Variants in TMOD1 observed in about 807,000 individuals in gnomAD.
TMOD1 encodes tropomodulin 1.
TMOD1 carries 17 observed loss-of-function variants against 40.6 expected under a neutral mutation model. The observed-to-expected ratio is 0.42, with a 90% CI of 0.29 to 0.63. The LOEUF (loss-of-function observed/expected upper bound fraction) is 0.63, where lower values mean the gene tolerates loss of function less well. TMOD1 is among the 20% of genes least tolerant of loss of function. The probability of loss-of-function intolerance (pLI) is 0.22; values close to 1 mark genes in which losing one functional copy is unlikely to be tolerated. For synonymous variants in TMOD1, 181 were observed against 175.0 expected, an observed-to-expected ratio of 1.03 and a Z score of -0.27; for missense variants, 391 against 447.6, an observed-to-expected ratio of 0.87 and a Z score of 1.14.
chr9:97,535,288 C>A (rs1297391159), intron 2 of TMOD1, among the ~76,000 whole-genome samples: 1 of 152,162 alleles, frequency 6.6e-6, no homozygotes, highest in Non-Finnish European at 1.5e-5. Context: ...CTCACAAGGG[C>A]TGGAACGAGG....
At chr9:97,564,910 C>G (rs954220090) in intron 6 of TMOD1, among the ~76,000 whole-genome samples, 1 of 152,138 alleles carries the variant, frequency 6.6e-6, no homozygotes, top group Non-Finnish European at 1.5e-5. Flanking sequence ...GCTCCACTTT[C>G]TTTCCTTCTC....
intron 2 of TMOD1, among the ~76,000 whole-genome samples, chr9:97,530,080 G>C (rs1193070011): frequency 6.6e-6 from 1 of 152,208 alleles, no homozygotes; most frequent in African/African-American, 2.4e-5. Flanking sequence ...GCACCTCTGA[G>C]ACTAGCCCAG....
chr9:97,588,867 TC>T (rs1281099198), intron 8 of TMOD1, among the ~76,000 whole-genome samples: 1 of 152,132 alleles, frequency 6.6e-6, no homozygotes, highest in Non-Finnish European at 1.5e-5. Flanking sequence ...ACGCCTATGA[TC>T]CCAGAACTTT....
intron 5 of TMOD1, among the ~76,000 whole-genome samples, chr9:97,563,041 T>C (rs1830664661): frequency 6.6e-6 from 1 of 152,216 alleles, no homozygotes; most frequent in Non-Finnish European, 1.5e-5. Context: ...GTTTTAGAGA[T>C]TTACTTTTTA....
chr9:97,509,577 G>A (rs1358687086), intron 1 of TMOD1, among the ~76,000 whole-genome samples: 1 of 145,694 alleles, frequency 6.9e-6, no homozygotes, highest in African/African-American at 2.6e-5. Context: ...GTGGCTCACT[G>A]CAACCTCCAC....
rs111736251 is a variant in TMOD1 at position 97,573,287 on chromosome 9, C to T, written c.870+4250C>T. Among the ~76,000 whole-genome samples, 535 of 152,338 alleles carry T rather than the reference C, an allele frequency of 3.5e-3. 2 individuals carry two copies. The highest frequency in any genetic ancestry group is 0.013 in the African/African-American group (520 of 41,580). ...ACCCTGCTCCCCAGGCCAGACAAGG[C>T]CTGGGGTGAGTCCCACAAATGAGAA... On this transcript the variant is annotated intron_variant, in intron 8 of 9. Coordinates refer to ENST00000259365, the MANE Select transcript of TMOD1 (RefSeq NM_003275.4).
In TMOD1 at chr9:97,545,269, C is replaced by G. The variant is rs1228860421; in HGVS notation, c.121-916C>G. The stretch of plus-strand genomic sequence containing the variant: ...TCTTTCCTTGCTCTGTGCCTCAGTT[C>G]CCCTAATGGGAGAGTGTGTGCACTG... On this transcript the variant is annotated intron_variant, in intron 2 of 9. Transcript: ENST00000259365. Among the ~76,000 whole-genome samples the G allele has an allele frequency of 2.0e-5, 3 of 152,330 alleles. No individual in the cohort carries two copies. In the East Asian group the frequency reaches 5.8e-4, roughly 29 times the overall value.
chr9:97,577,012 A>C (rs1182149290), intron 8 of TMOD1, among the ~76,000 whole-genome samples: 1 of 152,082 alleles, frequency 6.6e-6, no homozygotes, highest in Non-Finnish European at 1.5e-5. Context: ...CCTTTTACTC[A>C]ATCTGTGTTA....
chr9:97,562,733 G>A lies in TMOD1; in HGVS notation c.399G>A (p.Ala133=), dbSNP rs199728770. The change falls in exon 5 of 10, where the codon GCG becomes GCA. Residue 133 remains alanine, a splice_region_variant and synonymous_variant. Coordinates refer to ENST00000259365, the MANE Select transcript of TMOD1 (RefSeq NM_003275.4). ...ASDAELCDIA[A]ILGMHTLMSN... ...TGAGCCCTTCCCTTGTCCCTGCAGC[G>A]ATCCTGGGCATGCACACGCTCATGA... is the stretch of plus-strand genomic sequence containing the variant. 2.0e-5 allele frequency: 31 copies of A among 1,545,308 alleles called. No individual in the cohort carries two copies. The highest frequency in any genetic ancestry group is 1.3e-4 in the African/African-American group (9 of 70,280).
At chr9:97,509,817 G>T (rs993051091) in intron 1 of TMOD1, among the ~76,000 whole-genome samples, 5 of 152,132 alleles carry the variant, frequency 3.3e-5, no homozygotes, top group Admixed American at 3.3e-4. Context: ...TTAAATCTCT[G>T]TCAATCTGAT....
intron 9 of TMOD1, among the ~76,000 whole-genome samples, chr9:97,597,566 T>C (rs113869340): frequency 0.12 from 18,717 of 151,844 alleles, 3,295 homozygotes; most frequent in African/African-American, 0.38. Flanking sequence ...GGCATGGCAG[T>C]GCATGCCTGT....
intron 2 of TMOD1, among the ~76,000 whole-genome samples, chr9:97,525,504 G>A (rs1255818637): frequency 3.3e-5 from 5 of 152,170 alleles, no homozygotes; most frequent in African/African-American, 1.2e-4. Flanking sequence ...TTTGCCTTTA[G>A]CAAGCACCTC....
intron 1 of TMOD1, among the ~76,000 whole-genome samples, chr9:97,505,716 CT>C (rs1829580769): frequency 6.6e-6 from 1 of 152,174 alleles, no homozygotes; most frequent in South Asian, 2.1e-4. Flanking sequence ...TCTCTGCCTC[CT>C]GATTCCTTTC....
intron 8 of TMOD1, among the ~76,000 whole-genome samples, chr9:97,574,614 A>G (rs996588372): frequency 6.6e-6 from 1 of 152,262 alleles, no homozygotes; most frequent in African/African-American, 2.4e-5. Context: ...TGCAGGATCC[A>G]CTGGGTGAAG....
At chr9:97,589,975 A>G (rs1361926687) in intron 8 of TMOD1, among the ~76,000 whole-genome samples, 1 of 152,068 alleles carries the variant, frequency 6.6e-6, no homozygotes, top group Non-Finnish European at 1.5e-5. Context: ...AATATACTTA[A>G]AAGTTTTTTT....
At chr9:97,594,433 G>A (rs1392474622) in intron 9 of TMOD1, among the ~76,000 whole-genome samples, 3 of 152,184 alleles carry the variant, frequency 2.0e-5, no homozygotes, top group African/African-American at 4.8e-5. Context: ...TATTTGTATC[G>A]TAAAAGCCTC....
Position 97,571,990 on chromosome 9 carries a change from G to A in TMOD1, c.870+2953G>A, listed in dbSNP as rs1830825417. ...CTCCAGAAGTTTCCTCACTGGATGGGAGGAAAGATGGTTGCAGAAATGACC... is the reference window on the plus strand; with the variant it reads ...CTCCAGAAGTTTCCTCACTGGATGGAAGGAAAGATGGTTGCAGAAATGACC... On this transcript the variant is annotated intron_variant, in intron 8 of 9. Coordinates refer to ENST00000259365, the MANE Select transcript of TMOD1 (RefSeq NM_003275.4). Among the ~76,000 whole-genome samples the A allele has an allele frequency of 2.0e-5, 3 of 152,198 alleles. No homozygotes were observed. In the South Asian group the frequency reaches 6.2e-4, roughly 32 times the overall value.
chr9:97,510,099 T>C (rs1829671380), intron 1 of TMOD1, among the ~76,000 whole-genome samples: 1 of 152,226 alleles, frequency 6.6e-6, no homozygotes. Flanking sequence ...CATATTGGTT[T>C]TTTGGAAAAT....
At chr9:97,512,963 T>G (rs1475413075) in intron 1 of TMOD1, 2 of 152,190 alleles carry the variant, frequency 1.3e-5, no homozygotes, top group African/African-American at 4.8e-5. Context: ...TTAAAAAAGA[T>G]AATTACCACC....
Sources: gnomAD v4.1 joint callset for allele counts (sites outside exome capture counted in the v4.1 genomes callset) on GRCh38, gnomAD v4.1.1 for gene constraint, MANE v1.5 for transcripts, NCBI Gene and HGNC (gene_info 2026-07-23, HGNC 2026-07-21) for gene names.